Variants in RPL27A observed in about 807,000 individuals in gnomAD.
RPL27A encodes ribosomal protein L27a.
For missense variants in RPL27A, 118 were observed against 189.4 expected, an observed-to-expected ratio of 0.62 and a Z score of 2.21; for synonymous variants, 69 against 68.3, an observed-to-expected ratio of 1.01 and a Z score of -0.05.
rs1192934593 is a variant in RPL27A at position 8,688,790 on chromosome 11, G to A, written c.*2984G>A. On this transcript the variant is annotated 3_prime_UTR_variant, in exon 5 of 5. Transcript: ENST00000314138. ...TAAATGTACTACTAAACCCTACTTA[G>A]CGGCTAACTAGCCCAAGAGCAGACA... 2.6e-5 allele frequency: 4 copies of A among 152,252 alleles called. No individual in the cohort carries two copies. The highest frequency in any genetic ancestry group is 2.6e-4 in the Admixed American group (4 of 15,280). The allele number at this position is 152,252 out of a possible 1,614,324, so 9.4% of individuals were successfully genotyped here.
At chr11:8,683,646 G>T (rs2039538625) in intron 2 of RPL27A, 1 of 476,238 alleles carries the variant, frequency 2.1e-6, no homozygotes, top group Admixed American at 3.5e-5. Context: ...GTGCGAGGAA[G>T]TATTGAGATG....
chr11:8,684,099 G>A lies in RPL27A; in HGVS notation c.143+18G>A. The A allele has an allele frequency of 1.9e-6, 3 of 1,603,676 alleles. No individual in the cohort carries two copies. The highest frequency in any genetic ancestry group is 2.6e-6 in the Non-Finnish European group (3 of 1,171,020). ...GACAAATAGTAAGTGTCCTTGGACT[G>A]CTTTTATTGACACAGCTTGGGAGGT... is the stretch of plus-strand genomic sequence containing the variant. On this transcript the variant is annotated intron_variant, in intron 3 of 4. Transcript: ENST00000314138.
Position 8,688,208 on chromosome 11 carries a change from G to C in RPL27A, c.*2402G>C, listed in dbSNP as rs1394091399. 1 of 152,230 alleles carries C rather than the reference G, an allele frequency of 6.6e-6. No homozygotes were observed. Among genetic ancestry groups the C allele is most frequent in the Non-Finnish European group, 1.5e-5 (1 of 68,050 alleles). The allele number at this position is 152,230 out of a possible 1,614,324, so 9.4% of individuals were successfully genotyped here. A position where few individuals can be genotyped will look rare whatever the true frequency, so the allele number is the denominator to read the frequency against. The stretch of plus-strand genomic sequence containing the variant: ...GTACGATTCAGACGGCATAATGGAC[G>C]GGACTTGGAGACTGAATTGTAGTGG... On this transcript the variant is annotated 3_prime_UTR_variant, in exon 5 of 5. Coordinates refer to ENST00000314138, the MANE Select transcript of RPL27A (RefSeq NM_000990.5).
In RPL27A at chr11:8,689,403, C is replaced by A. The variant is rs2039617505; in HGVS notation, c.*3597C>A. 6.7e-6 allele frequency: 1 copy of A among 149,368 alleles called. No individual in the cohort carries two copies. Among genetic ancestry groups the A allele is most frequent in the Non-Finnish European group, 1.5e-5 (1 of 67,574 alleles). 9.3% of individuals were successfully genotyped at this position (149,368 alleles called of 1,614,324 possible). On this transcript the variant is annotated 3_prime_UTR_variant, in exon 5 of 5. Coordinates refer to ENST00000314138, the MANE Select transcript of RPL27A (RefSeq NM_000990.5). ...TAGAAGAACATAAAAGGAATTTCCT[C>A]TTAGGAGGTTAGGGAAATGAGCACG...
chr11:8,685,684 T>C lies in RPL27A; in HGVS notation c.325T>C (p.Tyr109His), dbSNP rs1390869766. Residue 109 changes from tyrosine to histidine, a missense_variant, in exon 5 of 5, where the codon TAC becomes CAC. Coordinates refer to ENST00000314138, the MANE Select transcript of RPL27A (RefSeq NM_000990.5). ...TTTTTCTCTGTTCTTCTAGGGCTAC[T>C]ACAAAGTTCTGGGAAAGGGAAAGCT... ...PIIDVVRSGY[Y>H]KVLGKGKLPK... 1 of 1,614,054 alleles carries C rather than the reference T, an allele frequency of 6.2e-7. No homozygotes were observed. Among genetic ancestry groups the C allele is most frequent in the African/African-American group, 1.3e-5 (1 of 74,934 alleles).
intron 1 of RPL27A, 184 bp downstream of exon 1, chr11:8,683,000 C>A: frequency 1.1e-6 from 1 of 894,508 alleles, no homozygotes; most frequent in Non-Finnish European, 1.7e-6. Flanking sequence ...GTTAGGCCCG[C>A]GGTTCGGATC....
chr11:8,685,907 C>A lies in RPL27A; in HGVS notation c.*101C>A. 3 of 1,190,832 alleles carry A rather than the reference C, an allele frequency of 2.5e-6. No homozygotes were observed. Among genetic ancestry groups the A allele is most frequent in the South Asian group, 1.4e-5 (1 of 73,034 alleles). The allele number at this position is 1,190,832 out of a possible 1,614,324, so 73.8% of individuals were successfully genotyped here. On this transcript the variant is annotated 3_prime_UTR_variant, in exon 5 of 5. Coordinates refer to ENST00000314138, the MANE Select transcript of RPL27A (RefSeq NM_000990.5). ...CTCTACATCCTGTGTGCATTGGGAG[C>A]CCAGGTTCTAGTACTTAGGGTATGA...
rs559266096 is a variant in RPL27A at position 8,683,015 on chromosome 11, G to A, written c.4-187G>A. On this transcript the variant is annotated intron_variant, in intron 1 of 4. Transcript: ENST00000314138. Reference sequence around the variant, plus strand: ...GTTAGGCCCGCGGTTCGGATCTCTAGGACACGCGGGCCCCTGCGCTACCGT... The same window carrying A: ...GTTAGGCCCGCGGTTCGGATCTCTAAGACACGCGGGCCCCTGCGCTACCGT... 19 of 860,166 alleles carry A rather than the reference G, an allele frequency of 2.2e-5. 1 individual carries two copies. In the African/African-American group the frequency reaches 2.4e-4, roughly 11 times the overall value. 53.3% of individuals were successfully genotyped at this position (860,166 alleles called of 1,614,324 possible).
At chr11:8,683,564 G>T in intron 2 of RPL27A, 1 of 532,046 alleles carries the variant, frequency 1.9e-6, no homozygotes, top group South Asian at 2.1e-5. Context: ...TAATCGCATT[G>T]CTGAAAACCG....
chr11:8,682,911 G>C (rs947944336), intron 1 of RPL27A, 95 bp downstream of exon 1: 11 of 1,462,640 alleles, frequency 7.5e-6, no homozygotes, highest in African/African-American at 4.3e-5. Context: ...TACCATGGTC[G>C]GGGCTTCCAG....
Position 8,688,916 on chromosome 11 carries a change from CAG to C in RPL27A, c.*3111_*3112del, listed in dbSNP as rs1050208180. 1 of 152,284 alleles carries C rather than the reference CAG, an allele frequency of 6.6e-6. No homozygotes were observed. The highest frequency in any genetic ancestry group is 2.4e-5 in the African/African-American group (1 of 41,468). The allele number at this position is 152,284 out of a possible 1,614,324, so 9.4% of individuals were successfully genotyped here. The stretch of plus-strand genomic sequence containing the variant: ...TTCATCAGTCAGCACGACCCGACCT[CAG>C]TGGCGTCCTCACAACACAGACCGGA... On this transcript the variant is annotated 3_prime_UTR_variant, in exon 5 of 5. Coordinates refer to ENST00000314138, the MANE Select transcript of RPL27A (RefSeq NM_000990.5).
rs977738684 is a variant in RPL27A, at chr11:8,686,963, G to C, written c.*1157G>C. ...TTAGTGGAGGTTTCCTTAGTGCACT[G>C]TGGGGTCATAATAAGCCGAGAACCA... is the stretch of plus-strand genomic sequence containing the variant. On this transcript the variant is annotated 3_prime_UTR_variant, in exon 5 of 5. Coordinates refer to ENST00000314138, the MANE Select transcript of RPL27A (RefSeq NM_000990.5). 5.9e-5 allele frequency: 9 copies of C among 152,178 alleles called. No individual in the cohort carries two copies. Among genetic ancestry groups the C allele is most frequent in the African/African-American group, 1.4e-4 (6 of 41,442 alleles). The allele number at this position is 152,178 out of a possible 1,614,324, so 9.4% of individuals were successfully genotyped here.
At chr11:8,685,219 AAAC>A in intron 4 of RPL27A, 1 of 422,690 alleles carries the variant, frequency 2.4e-6, no homozygotes, top group East Asian at 5.0e-5. Flanking sequence ...TTTTCCCCCA[AAAC>A]AGATGTATTA....
intron 4 of RPL27A, chr11:8,685,295 G>A: frequency 2.1e-6 from 1 of 476,042 alleles, no homozygotes; most frequent in Non-Finnish European, 4.0e-6. Context: ...TATAGAGGTA[G>A]TGTTAAGAGG....
rs768549485 is a variant in RPL27A at position 8,685,798 on chromosome 11, G to C, written c.439G>C (p.Val147Leu). ...GAGTGTTGGGGGGGCCTGTGTCCTG[G>C]TGGCTTGAAGCCACATGGAGGGAGT... ...IKSVGGACVL[V>L]A The change falls in exon 5 of 5, where the codon GTG becomes CTG. Residue 147 changes from valine to leucine, a missense_variant. Transcript: ENST00000314138. The C allele has an allele frequency of 6.2e-7, 1 of 1,613,884 alleles. No individual in the cohort carries two copies. The highest frequency in any genetic ancestry group is 1.7e-5 in the Admixed American group (1 of 60,022).
At chr11:8,684,919 CT>C in intron 4 of RPL27A, 27 bp downstream of exon 4, 1 of 1,606,320 alleles carries the variant, frequency 6.2e-7, no homozygotes, top group Non-Finnish European at 8.5e-7. Context: ...TTTTTCTGTA[CT>C]TCCATACCTT....
chr11:8,686,688 G>GT lies in RPL27A; in HGVS notation c.*883dup, dbSNP rs2039590224. 1 of 152,152 alleles carries GT rather than the reference G, an allele frequency of 6.6e-6. No individual in the cohort carries two copies. Among genetic ancestry groups the GT allele is most frequent in the African/African-American group, 2.4e-5 (1 of 41,414 alleles). The allele number at this position is 152,152 out of a possible 1,614,324, so 9.4% of individuals were successfully genotyped here. A position where few individuals can be genotyped will look rare whatever the true frequency, so the allele number is the denominator to read the frequency against. On this transcript the variant is annotated 3_prime_UTR_variant, in exon 5 of 5. Coordinates refer to ENST00000314138, the MANE Select transcript of RPL27A (RefSeq NM_000990.5). ...GTTAATTTTTCTTCTAGTCTGAAATGTATCGGGAAAATTTGGAAATCCTGA... is the reference window on the plus strand; with the variant it reads ...GTTAATTTTTCTTCTAGTCTGAAATGTTATCGGGAAAATTTGGAAATCCTGA...
intron 2 of RPL27A, 126 bp downstream of exon 2, chr11:8,683,391 A>AT: frequency 2.6e-6 from 2 of 762,236 alleles, no homozygotes; most frequent in Middle Eastern, 2.4e-4. Context: ...ACAGCTGTTG[A>AT]TTTTTTTCTG....
rs1162218757 is a variant in RPL27A at position 8,688,227 on chromosome 11, G to A, written c.*2421G>A. On this transcript the variant is annotated 3_prime_UTR_variant, in exon 5 of 5. Transcript: ENST00000314138. ...ATGGACGGGACTTGGAGACTGAATT[G>A]TAGTGGGCCGACCACAAAATGATAA... 6.6e-6 allele frequency: 1 copy of A among 152,262 alleles called. No individual in the cohort carries two copies. The highest frequency in any genetic ancestry group is 1.5e-5 in the Non-Finnish European group (1 of 68,058). The allele number at this position is 152,262 out of a possible 1,614,324, so 9.4% of individuals were successfully genotyped here.
Sources: allele counts gnomAD v4.1 joint callset, GRCh38; gene constraint gnomAD v4.1.1; transcripts MANE v1.5; gene names NCBI Gene and HGNC (gene_info 2026-07-23, HGNC 2026-07-21).